The following MYLK4 variants were observed in gnomAD, a reference collection of about 807,000 sequenced individuals.
The protein encoded by MYLK4 is myosin light chain kinase family member 4, also known as caMLCK like.
Under a neutral mutation model 48.1 loss-of-function variants are expected in MYLK4, and 46 were observed. The observed-to-expected ratio is 0.96, with a 90% CI of 0.75 to 1.22. MYLK4 has a LOEUF of 1.22. Among genes scored for constraint, MYLK4 ranks in the 50% most tolerant of loss-of-function variants. MYLK4 has a pLI of 0.00. For missense variants in MYLK4, 451 were observed against 486.1 expected (o/e 0.93, Z 0.68); for synonymous variants, 170 against 180.8 (o/e 0.94, Z 0.48).
chr6:2,768,929 A>G, the MYLK4 span: 21 of 1,543,918 alleles, frequency 1.4e-5, no homozygotes, highest in South Asian at 1.4e-4. Flanking sequence ...ACATCAAACA[A>G]TATAAAGTGT....
chr6:2,758,871 T>C, the MYLK4 span, among the ~76,000 whole-genome samples: 1 of 152,230 alleles, frequency 6.6e-6, no homozygotes, highest in Admixed American at 6.5e-5. Context: ...AATGTATGTG[T>C]TTATTCACTG....
At position 2,737,899 on chromosome 6, in the gene MYLK4, CTT is replaced by C. The variant is rs11290655; in HGVS notation, c.159+11235_159+11236del. Among the ~76,000 whole-genome samples the C allele has an allele frequency of 3.9e-4, 49 of 125,894 alleles. 1 individual carries two copies. The highest frequency in any genetic ancestry group is 7.9e-4 in the South Asian group (3 of 3,810). The allele number at this position is 125,894 out of a possible 152,430, so 82.6% of individuals were successfully genotyped here. The stretch of plus-strand genomic sequence containing the variant: ...AGAGTGTATTGTTTTGTTCATGTAG[CTT>C]TTTTTTTTTTCTCTAAGCCAAGCAG... On this transcript the variant is annotated intron_variant, in intron 2 of 12. Transcript: ENST00000274643.
Position 2,685,959 on chromosome 6 carries a change from T to A in MYLK4, c.342-383A>T, listed in dbSNP as rs1761525542. Among the ~76,000 whole-genome samples the A allele has an allele frequency of 6.6e-6, 1 of 151,392 alleles. No individual in the cohort carries two copies. Among genetic ancestry groups the A allele is most frequent in the Admixed American group, 6.6e-5 (1 of 15,208 alleles). On this transcript the variant is annotated intron_variant, in intron 4 of 12. Coordinates refer to ENST00000274643, the MANE Select transcript of MYLK4 (RefSeq NM_001012418.5). This position sits in a 1 kb window ranked among gnomAD's most constrained non-coding sequence, Gnocchi z 4.5. ...GGCATGTGTCTGTAGTCCCAGCTAC[T>A]CGGGAGGCTGAGGCAGGAGAACGGC...
chr6:2,755,524 T>G (rs1210791780), upstream of MYLK4, among the ~76,000 whole-genome samples: 1 of 152,204 alleles, frequency 6.6e-6, no homozygotes, highest in Admixed American at 6.5e-5. Context: ...ATTTAGGAAA[T>G]GGTCATTCCG....
chr6:2,770,050 C>T, the MYLK4 span: 1 of 1,594,006 alleles, frequency 6.3e-7, no homozygotes, highest in African/African-American at 1.3e-5. Context: ...AAGGGATAGC[C>T]AACTTACATA....
In MYLK4 at chr6:2,740,082, G is replaced by A. The variant is rs114732600; in HGVS notation, c.159+9054C>T. 9.6e-3 allele frequency among the ~76,000 whole-genome samples: 1,466 copies of A among 152,306 alleles called. 23 individuals are homozygous for A. The highest frequency in any genetic ancestry group is 0.034 in the African/African-American group (1,415 of 41,550). On this transcript the variant is annotated intron_variant, in intron 2 of 12. Transcript: ENST00000274643. ...TCCTTCATGGTGGCATAGAGTGCAA[G>A]CTAGGTGCCCACCATGGGGTTCAAA...
chr6:2,740,072 T>A (rs943159668), intron 2 of MYLK4, among the ~76,000 whole-genome samples: 1 of 152,192 alleles, frequency 6.6e-6, no homozygotes, highest in African/African-American at 2.4e-5. Context: ...CATGGTGGCA[T>A]AGAGTGCAAG....
intron 3 of MYLK4, among the ~76,000 whole-genome samples, chr6:2,691,185 A>G (rs1761783909): frequency 6.6e-6 from 1 of 152,110 alleles, no homozygotes; most frequent in South Asian, 2.1e-4. Context: ...GGAAGAATTG[A>G]CCTAATTTCC....
At chr6:2,689,557 C>G (rs1008547027) in intron 3 of MYLK4, among the ~76,000 whole-genome samples, 2 of 152,156 alleles carry the variant, frequency 1.3e-5, no homozygotes, top group African/African-American at 4.8e-5. Context: ...TCAAATTTCT[C>G]CCACTTTCTC....
At chr6:2,720,407 CA>C (rs60764100) in intron 2 of MYLK4, among the ~76,000 whole-genome samples, 37 of 150,042 alleles carry the variant, frequency 2.5e-4, no homozygotes, top group Middle Eastern at 3.4e-3. Context: ...CATCTAAAAA[CA>C]AAAAAAAAAA....
chr6:2,688,594 C>A (rs1362559175), intron 4 of MYLK4, among the ~76,000 whole-genome samples: 2 of 152,170 alleles, frequency 1.3e-5, no homozygotes, highest in Non-Finnish European at 2.9e-5. Flanking sequence ...AGCTGGTCAA[C>A]CTTCTGGTGA....
chr6:2,753,382 A>C (rs748171366), upstream of MYLK4, among the ~76,000 whole-genome samples: 1 of 152,246 alleles, frequency 6.6e-6, no homozygotes, highest in Non-Finnish European at 1.5e-5. Context: ...TTACACACAA[A>C]AGCGGAGCAA....
chr6:2,761,518 G>A, the MYLK4 span, among the ~76,000 whole-genome samples: 2 of 152,166 alleles, frequency 1.3e-5, no homozygotes, highest in Non-Finnish European at 1.5e-5. Context: ...GGGGACTAGG[G>A]TTCAGGAAAA....
At chr6:2,719,307 A>C (rs570828960) in intron 2 of MYLK4, among the ~76,000 whole-genome samples, 3 of 152,196 alleles carry the variant, frequency 2.0e-5, no homozygotes, top group Admixed American at 6.5e-5. Flanking sequence ...GACCAGACCA[A>C]TGGTATTAAA....
chr6:2,741,697 G>A (rs1032950425), intron 2 of MYLK4, among the ~76,000 whole-genome samples: 2 of 152,208 alleles, frequency 1.3e-5, no homozygotes, highest in African/African-American at 4.8e-5. Flanking sequence ...ATATTCATTA[G>A]CAATAAGAAA....
intron 2 of MYLK4, among the ~76,000 whole-genome samples, chr6:2,703,083 G>A (rs9503259): frequency 0.026 from 3,970 of 152,126 alleles, 171 homozygotes; most frequent in African/African-American, 0.091. Flanking sequence ...CCAACCTCCC[G>A]ACCTCGCCTC....
intron 2 of MYLK4, among the ~76,000 whole-genome samples, chr6:2,697,241 T>A (rs1291108868): frequency 6.6e-6 from 1 of 152,228 alleles, no homozygotes; most frequent in Non-Finnish European, 1.5e-5. Context: ...TTCTGAAGTG[T>A]GTTTTGGAGC....
rs1035390063 is a variant in MYLK4, at chr6:2,750,739, T to G, written c.-116A>C. 3.3e-5 allele frequency: 5 copies of G among 152,272 alleles called. No homozygotes were observed. Among genetic ancestry groups the G allele is most frequent in the Non-Finnish European group, 7.3e-5 (5 of 68,036 alleles). 9.4% of individuals were successfully genotyped at this position (152,272 alleles called of 1,614,324 possible). A position where few individuals can be genotyped will look rare whatever the true frequency, so the allele number is the denominator to read the frequency against. ...AACAATAAACAAAGATAATTACCATTGATAGGATCACATCGAAGAGCTTGA... is the reference window on the plus strand; with the variant it reads ...AACAATAAACAAAGATAATTACCATGGATAGGATCACATCGAAGAGCTTGA... On this transcript the variant is annotated 5_prime_UTR_variant, in exon 1 of 13. Transcript: ENST00000274643.
intron 2 of MYLK4, among the ~76,000 whole-genome samples, chr6:2,714,152 C>G (rs9503267): frequency 0.21 from 32,426 of 152,046 alleles, 3,575 homozygotes; most frequent in African/African-American, 0.27. Flanking sequence ...TTCCAGGACC[C>G]GGTCAGAGGA....
Sources: gnomAD v4.1 joint callset for allele counts (sites outside exome capture counted in the v4.1 genomes callset) on GRCh38, gnomAD v4.1.1 for gene constraint, Gnocchi (gnomAD v3.1) non-coding constraint, MANE v1.5 for transcripts, NCBI Gene and HGNC (gene_info 2026-07-23, HGNC 2026-07-21) for gene names.